The following SPAG16 variants were observed in gnomAD, a reference collection of about 807,000 sequenced individuals.
SPAG16 encodes sperm associated antigen 16, also known as sperm-associated antigen 16 protein.
A neutral mutation model predicts 80.4 loss-of-function variants in SPAG16; 86 were observed. That is an observed-to-expected ratio of 1.07 (90% CI 0.90 to 1.28). The LOEUF is 1.28. Among genes scored for constraint, SPAG16 ranks in the 50% most tolerant of loss-of-function variants. SPAG16 has a pLI of 0.00. For synonymous variants in SPAG16, 294 were observed against 265.9 expected, an observed-to-expected ratio of 1.11 and a Z score of -1.03; for missense variants, 870 against 765.3, an observed-to-expected ratio of 1.14 and a Z score of -1.61.
chr2:214,140,577 T>C (rs1360205248), intron 14 of SPAG16, among the ~76,000 whole-genome samples: 1 of 152,074 alleles, frequency 6.6e-6, no homozygotes, highest in African/African-American at 2.4e-5. Context: ...AATAATTTAT[T>C]TTTATACTCA....
chr2:213,914,568 GTTA>G (rs1457010743), intron 11 of SPAG16, among the ~76,000 whole-genome samples: 4 of 152,118 alleles, frequency 2.6e-5, no homozygotes, highest in African/African-American at 7.2e-5. Flanking sequence ...ATTATAACCA[GTTA>G]AAATTAAATT....
intron 12 of SPAG16, among the ~76,000 whole-genome samples, chr2:213,949,258 C>A (rs1381725437): frequency 1.4e-5 from 2 of 139,960 alleles, no homozygotes; most frequent in Non-Finnish European, 3.0e-5. Flanking sequence ...GTAAGCTCCA[C>A]CTCCCAGGTT....
chr2:213,785,595 G>T (rs1313590063), intron 10 of SPAG16, among the ~76,000 whole-genome samples: 1 of 152,100 alleles, frequency 6.6e-6, no homozygotes, highest in East Asian at 1.9e-4. Context: ...TGATTTATAA[G>T]GTATTTCTGC....
chr2:213,350,783 G>A, intron 7 of SPAG16, 138 bp downstream of exon 7: 1 of 540,226 alleles, frequency 1.9e-6, no homozygotes, highest in Non-Finnish European at 3.2e-6. Context: ...GATCCATTTG[G>A]AAACATTCAG....
At position 213,785,743 on chromosome 2, in the gene SPAG16, G is replaced by T. The variant is rs1306853234; in HGVS notation, c.1071-76742G>T. Among the ~76,000 whole-genome samples, 5 of 152,150 alleles carry T rather than the reference G, an allele frequency of 3.3e-5. No individual in the cohort carries two copies. In the East Asian group the frequency reaches 5.8e-4, roughly 18 times the overall value. ...TTCTTCAAAAGAAGTTTAGCCAGGCGCAGTGGCTCACACCTGTAATCCCAG... is the reference window on the plus strand; with the variant it reads ...TTCTTCAAAAGAAGTTTAGCCAGGCTCAGTGGCTCACACCTGTAATCCCAG... On this transcript the variant is annotated intron_variant, in intron 10 of 15. Coordinates refer to ENST00000331683, the MANE Select transcript of SPAG16 (RefSeq NM_024532.5).
intron 7 of SPAG16, among the ~76,000 whole-genome samples, 187 bp downstream of exon 7, chr2:213,350,832 T>A (rs1667618649): frequency 6.6e-6 from 1 of 152,054 alleles, no homozygotes; most frequent in African/African-American, 2.4e-5. Flanking sequence ...TAAAGATTAT[T>A]ATAAAATTAG....
intron 15 of SPAG16, among the ~76,000 whole-genome samples, chr2:214,376,459 A>G (rs972540961): frequency 3.3e-5 from 5 of 152,160 alleles, no homozygotes; most frequent in African/African-American, 1.2e-4. Context: ...CATTTCTTCA[A>G]ACTCTGCCTG....
intron 15 of SPAG16, among the ~76,000 whole-genome samples, chr2:214,255,114 G>A (rs1690586786): frequency 6.6e-6 from 1 of 151,976 alleles, no homozygotes; most frequent in Admixed American, 6.6e-5. Flanking sequence ...TAATATGAAA[G>A]TATTTTCACT....
chr2:213,612,783 A>C (rs1380815491), intron 10 of SPAG16, among the ~76,000 whole-genome samples: 1 of 152,116 alleles, frequency 6.6e-6, no homozygotes, highest in East Asian at 1.9e-4. Context: ...TCCCAGGTTC[A>C]AGCGATTCTC....
intron 13 of SPAG16, among the ~76,000 whole-genome samples, chr2:214,015,124 T>C (rs970348245): frequency 6.6e-6 from 1 of 152,148 alleles, no homozygotes; most frequent in Non-Finnish European, 1.5e-5. Flanking sequence ...TTTAGCATGA[T>C]CCAAGGCTGG....
chr2:213,535,405 C>T (rs62192350), intron 10 of SPAG16, among the ~76,000 whole-genome samples: 4 of 152,070 alleles, frequency 2.6e-5, no homozygotes, highest in Non-Finnish European at 5.9e-5. Flanking sequence ...AAAAAAGACA[C>T]AAATTCAACT....
rs576935215 is a variant in SPAG16, at chr2:214,295,992, A to G, written c.1721-114148A>G. On this transcript the variant is annotated intron_variant, in intron 15 of 15. Transcript: ENST00000331683. ...TGAGGTTTGGGTTTCTAGTATACCA[A>G]TCACCCAAAGAGTGAACATTGTACC... Among the ~76,000 whole-genome samples the G allele has an allele frequency of 9.2e-4, 140 of 152,286 alleles. 1 individual carries two copies. In the Middle Eastern group the frequency reaches 0.01, roughly 11 times the overall value.
chr2:213,473,371 T>C (rs1455591168), intron 9 of SPAG16, among the ~76,000 whole-genome samples: 2 of 152,218 alleles, frequency 1.3e-5, no homozygotes, highest in Non-Finnish European at 2.9e-5. Context: ...TTCCTACTAT[T>C]AGATCTGACA....
intron 5 of SPAG16, among the ~76,000 whole-genome samples, chr2:213,321,378 T>C (rs2063602065): frequency 6.6e-6 from 1 of 152,096 alleles, no homozygotes; most frequent in Non-Finnish European, 1.5e-5. Flanking sequence ...AGTTTTCTTA[T>C]TAACCTGGGA....
intron 12 of SPAG16, among the ~76,000 whole-genome samples, chr2:213,941,420 A>G (rs1387014582): frequency 6.6e-6 from 1 of 152,090 alleles, no homozygotes; most frequent in African/African-American, 2.4e-5. Context: ...AGAATTTTGC[A>G]TACATATATA....
At chr2:213,444,735 A>C (rs2071188390) in intron 9 of SPAG16, among the ~76,000 whole-genome samples, 1 of 152,158 alleles carries the variant, frequency 6.6e-6, no homozygotes, top group African/African-American at 2.4e-5. Flanking sequence ...GAAAAGAAAA[A>C]AAATTCTAAA....
At chr2:214,040,581 A>G (rs1230450532) in intron 13 of SPAG16, among the ~76,000 whole-genome samples, 1 of 152,150 alleles carries the variant, frequency 6.6e-6, no homozygotes, top group Non-Finnish European at 1.5e-5. Context: ...ACTAAGGATA[A>G]TGGCCTCCAG....
intron 9 of SPAG16, among the ~76,000 whole-genome samples, chr2:213,389,622 T>C (rs934830388): frequency 6.6e-6 from 1 of 151,998 alleles, no homozygotes; most frequent in Non-Finnish European, 1.5e-5. Context: ...ATATAAATGG[T>C]AAAGTACATG....
intron 10 of SPAG16, among the ~76,000 whole-genome samples, chr2:213,796,291 A>G (rs891679278): frequency 1.3e-5 from 2 of 152,112 alleles, no homozygotes; most frequent in Non-Finnish European, 1.5e-5. Flanking sequence ...ATTACCCCCG[A>G]AAAAAGTCCA....
Sources: gnomAD v4.1 joint callset for allele counts (sites outside exome capture counted in the v4.1 genomes callset) on GRCh38, gnomAD v4.1.1 for gene constraint, MANE v1.5 for transcripts, NCBI Gene and HGNC (gene_info 2026-07-23, HGNC 2026-07-21) for gene names.